The following WSCD2 variants were observed in gnomAD, a reference collection of about 807,000 sequenced individuals.
WSCD2 encodes the protein WSC domain sialate O sulfotransferase 2, also known as sialate:O-sulfotransferase 2.
Under a neutral mutation model 55.7 loss-of-function variants are expected in WSCD2, and 28 were observed. The ratio of observed to expected loss-of-function variants is 0.50; its 90% CI spans 0.37 to 0.69. The LOEUF is 0.69. WSCD2 is among the 30% of genes least tolerant of loss of function. The pLI is 0.00. For synonymous variants in WSCD2, 301 were observed against 301.9 expected, an observed-to-expected ratio of 1.00 and a Z score of 0.03; for missense variants, 616 against 762.1, an observed-to-expected ratio of 0.81 and a Z score of 2.26.
rs1478438258 is a variant in WSCD2 at position 108,194,834 on chromosome 12, GTGTT to G, written c.-551-443_-551-440del. Reference sequence around the variant, plus strand: ...CCTCACACAAAGTAGGTCTCACTGAGTGTTTGTTGGGAAAAAAAATGAATGAATC... The same window carrying G: ...CCTCACACAAAGTAGGTCTCACTGAGTGTTGGGAAAAAAAATGAATGAATC... On this transcript the variant is annotated intron_variant, in intron 1 of 8. Coordinates refer to ENST00000547525, the MANE Select transcript of WSCD2 (RefSeq NM_014653.4). Among the ~76,000 whole-genome samples the G allele has an allele frequency of 3.3e-5, 5 of 152,274 alleles. No individual in the cohort carries two copies. In the South Asian group the frequency reaches 8.3e-4, roughly 25 times the overall value.
intron 8 of WSCD2, among the ~76,000 whole-genome samples, chr12:108,246,096 T>A (rs529424071): frequency 9.8e-5 from 15 of 152,354 alleles, no homozygotes; most frequent in South Asian, 6.2e-4. Context: ...CTGGGAAAGA[T>A]CCATCCTGGA....
At chr12:108,207,904 C>T (rs1027279021) in intron 3 of WSCD2, among the ~76,000 whole-genome samples, 6 of 151,958 alleles carry the variant, frequency 3.9e-5, no homozygotes, top group Non-Finnish European at 8.8e-5. Flanking sequence ...AGCTCACAGC[C>T]GGCAAGGGGA....
intron 4 of WSCD2, among the ~76,000 whole-genome samples, chr12:108,212,183 T>G (rs1886275306): frequency 6.6e-6 from 1 of 152,136 alleles, no homozygotes; most frequent in African/African-American, 2.4e-5. Flanking sequence ...GGCTTTGTGG[T>G]TTGGCTGCTA....
At chr12:108,168,432 A>T (rs968396559) in intron 1 of WSCD2, among the ~76,000 whole-genome samples, 1 of 152,150 alleles carries the variant, frequency 6.6e-6, no homozygotes, top group Non-Finnish European at 1.5e-5. Context: ...ACCCCTACAC[A>T]TCTCTTATCC....
intron 1 of WSCD2, among the ~76,000 whole-genome samples, chr12:108,166,070 G>A (rs1426342538): frequency 6.6e-6 from 1 of 152,196 alleles, no homozygotes; most frequent in South Asian, 2.1e-4. Context: ...ATTTAACACT[G>A]GAATCTTCCC....
chr12:108,139,427 T>A (rs1876553307), intron 1 of WSCD2, among the ~76,000 whole-genome samples: 1 of 152,186 alleles, frequency 6.6e-6, no homozygotes, highest in South Asian at 2.1e-4. Flanking sequence ...GGAAGAGTTT[T>A]CCCAGCTCAG....
chr12:108,234,416 G>T (rs1219151591), intron 7 of WSCD2, among the ~76,000 whole-genome samples: 1 of 152,214 alleles, frequency 6.6e-6, no homozygotes, highest in Non-Finnish European at 1.5e-5. Flanking sequence ...CAGGCTAATG[G>T]TTGGAGTTGG....
chr12:108,210,861 G>T lies in WSCD2; in HGVS notation c.682+556G>T, dbSNP rs1446446054. On this transcript the variant is annotated intron_variant, in intron 4 of 8. Coordinates refer to ENST00000547525, the MANE Select transcript of WSCD2 (RefSeq NM_014653.4). The surrounding 1 kb of genome is among the most constrained non-coding windows in gnomAD (Gnocchi z 4.3). ...GGAGTCCTTGATGCTTTCAAAGAGAGAATTCATCCTGGCTTTTTCAAGCTT... is the reference window on the plus strand; with the variant it reads ...GGAGTCCTTGATGCTTTCAAAGAGATAATTCATCCTGGCTTTTTCAAGCTT... Among the ~76,000 whole-genome samples the T allele has an allele frequency of 6.6e-6, 1 of 152,198 alleles. No individual in the cohort carries two copies. The highest frequency in any genetic ancestry group is 1.5e-5 in the Non-Finnish European group (1 of 68,032).
At chr12:108,236,249 A>G (rs923037023) in intron 7 of WSCD2, among the ~76,000 whole-genome samples, 1 of 152,164 alleles carries the variant, frequency 6.6e-6, no homozygotes, top group Non-Finnish European at 1.5e-5. Context: ...CTCTGTGAGA[A>G]GCATGTATCA....
chr12:108,240,571 G>A, intron 8 of WSCD2, 27 bp downstream of exon 8: 2 of 1,489,268 alleles, frequency 1.3e-6, no homozygotes, highest in Non-Finnish European at 1.8e-6. Context: ...GAGGGGAGGG[G>A]AGGGGAGGGG....
At chr12:108,228,843 C>T (rs1888418744) in intron 6 of WSCD2, among the ~76,000 whole-genome samples, 1 of 152,200 alleles carries the variant, frequency 6.6e-6, no homozygotes, top group Admixed American at 6.5e-5. Flanking sequence ...GAGCATGTGG[C>T]TCTTGGACCT....
chr12:108,209,640 G>A (rs116456707), intron 3 of WSCD2, among the ~76,000 whole-genome samples: 1,535 of 151,946 alleles, frequency 0.01, 27 homozygotes, highest in African/African-American at 0.036. Flanking sequence ...TCCTCTAGGG[G>A]CCTCCCTGTA....
intron 1 of WSCD2, among the ~76,000 whole-genome samples, chr12:108,152,026 G>A (rs936921695): frequency 6.6e-6 from 1 of 152,176 alleles, no homozygotes; most frequent in Non-Finnish European, 1.5e-5. Flanking sequence ...TGCTCTCCTG[G>A]ATCCAGCTCC....
chr12:108,210,247 C>T lies in WSCD2; in HGVS notation c.624C>T (p.Gly208=), dbSNP rs754753369. ...ECKGERGSVC[G]GANRLSVYRL... is the part of the protein sequence containing the mutation. ...AGGGCGAGCGAGGCAGCGTGTGCGG[C>T]GGCGCCAACCGCCTCTCTGTCTACC... The change falls in exon 4 of 9, where the codon GGC becomes GGT. Residue 208 remains glycine (G), a synonymous_variant. Transcript: ENST00000547525. The surrounding 1 kb of genome is among the most constrained non-coding windows in gnomAD (Gnocchi z 4.3). 18 of 1,593,294 alleles carry T rather than the reference C, an allele frequency of 1.1e-5. No individual in the cohort carries two copies. Among genetic ancestry groups the T allele is most frequent in the South Asian group, 8.9e-5 (8 of 90,282 alleles).
chr12:108,216,934 G>C (rs1020839358), intron 4 of WSCD2, among the ~76,000 whole-genome samples: 1 of 152,248 alleles, frequency 6.6e-6, no homozygotes, highest in Admixed American at 6.5e-5. Flanking sequence ...CCAAGAGCAG[G>C]CATATTAATG....
intron 1 of WSCD2, among the ~76,000 whole-genome samples, chr12:108,174,530 A>C (rs1945113959): frequency 6.6e-6 from 1 of 152,162 alleles, no homozygotes; most frequent in African/African-American, 2.4e-5. Flanking sequence ...TGTCCTCCAA[A>C]CCAAGAAAGC....
chr12:108,132,075 C>G (rs1038011119), intron 1 of WSCD2, among the ~76,000 whole-genome samples: 1 of 151,778 alleles, frequency 6.6e-6, no homozygotes, highest in East Asian at 1.9e-4. Context: ...TGTGTGCCTG[C>G]GTATGCACAC....
At chr12:108,152,665 GGGCCTGTTGCAGA>G (rs1878128325) in intron 1 of WSCD2, among the ~76,000 whole-genome samples, 1 of 152,202 alleles carries the variant, frequency 6.6e-6, no homozygotes. Flanking sequence ...GGTATAAGAA[GGGCCTGTTGCAGA>G]CCATGGCAGA....
intron 1 of WSCD2, among the ~76,000 whole-genome samples, chr12:108,143,114 T>A (rs780977209): frequency 1.3e-5 from 2 of 152,234 alleles, no homozygotes; most frequent in Non-Finnish European, 2.9e-5. Context: ...GCATCCAGCC[T>A]CTCCGTCATG....
Sources: allele counts gnomAD v4.1 joint callset (sites outside exome capture counted in the v4.1 genomes callset), GRCh38; gene constraint gnomAD v4.1.1; non-coding constraint Gnocchi (gnomAD v3.1); transcripts MANE v1.5; gene names NCBI Gene and HGNC (gene_info 2026-07-23, HGNC 2026-07-21).